EWSR1: variants seen among roughly 807,000 people sequenced by gnomAD.
EWSR1 encodes the protein EWS RNA binding protein 1.
In EWSR1, 14 loss-of-function variants were observed where a neutral mutation model predicts 92.1. The observed-to-expected ratio is 0.15, with a 90% CI of 0.10 to 0.24. The LOEUF is 0.24. EWSR1 is among the 10% of genes least tolerant of loss of function. The pLI, the probability that EWSR1 is intolerant of heterozygous loss-of-function variation, is 1.00. For missense variants in EWSR1, 637 were observed against 870.9 expected (o/e 0.73, Z 3.38); for synonymous variants, 303 against 292.9 (o/e 1.03, Z -0.35).
chr22:29,286,500 A>T (rs978021347), intron 6 of EWSR1, among the ~76,000 whole-genome samples: 5 of 151,894 alleles, frequency 3.3e-5, no homozygotes, highest in Non-Finnish European at 5.9e-5. Flanking sequence ...CATCCTGGCT[A>T]ACAAGATGAA....
chr22:29,299,387 T>C (rs528484119), intron 15 of EWSR1, 56 bp downstream of exon 15: 71 of 1,570,060 alleles, frequency 4.5e-5, no homozygotes, highest in East Asian at 3.8e-4. Context: ...ACCTCTTTTC[T>C]TATTTGTGGG....
intron 3 of EWSR1, 65 bp from the exon 4 acceptor site, chr22:29,273,676 C>T (rs1015972033): frequency 1.9e-6 from 3 of 1,552,924 alleles, no homozygotes; most frequent in Admixed American, 2.0e-5. Context: ...CAATTTAGTC[C>T]ATTTTATTGC....
chr22:29,292,208 G>T (rs2060491949), intron 10 of EWSR1, 39 bp downstream of exon 10: 1 of 1,590,576 alleles, frequency 6.3e-7, no homozygotes, highest in African/African-American at 1.3e-5. Context: ...ATCGTGCTTT[G>T]TAAATTAATG....
At chr22:29,296,725 C>T (rs2060890234) in intron 12 of EWSR1, among the ~76,000 whole-genome samples, 3 of 152,154 alleles carry the variant, frequency 2.0e-5, no homozygotes, top group African/African-American at 7.2e-5. Flanking sequence ...GATTTCACTT[C>T]AGACAAAACC....
chr22:29,286,879 C>T (rs778944304), intron 6 of EWSR1, 44 bp from the exon 7 acceptor site: 1 of 1,521,142 alleles, frequency 6.6e-7, no homozygotes. Context: ...TAACAAGCCT[C>T]TTTCTAAAAA....
chr22:29,298,986 G>A (rs1480149188), intron 14 of EWSR1, 91 bp downstream of exon 14: 2 of 1,424,700 alleles, frequency 1.4e-6, no homozygotes, highest in African/African-American at 1.4e-5. Flanking sequence ...GCTCTGTCTA[G>A]AGGAACAGAA....
chr22:29,299,704 A>G lies in EWSR1; in HGVS notation c.1784A>G (p.Asp595Gly). The change falls in exon 16 of 17, where the codon GAC becomes GGC. Residue 595 changes from aspartate (D) to glycine (G), a missense_variant. Transcript: ENST00000397938. ...ATGTTCAGAGGTGGCCGTGGTGGAG[A>G]CAGAGGTGGCTTCCGTGGTGGCCGG... ...GGMFRGGRGG[D>G]RGGFRGGRGM... is the part of the protein sequence containing the mutation. 1 of 1,611,828 alleles carries G rather than the reference A, an allele frequency of 6.2e-7. No homozygotes were observed. Among genetic ancestry groups the G allele is most frequent in the Non-Finnish European group, 8.5e-7 (1 of 1,178,936 alleles).
In EWSR1 at chr22:29,282,397, G is replaced by A. The variant is rs1423562075; in HGVS notation, c.421G>A (p.Asp141Asn). 3 of 1,582,184 alleles carry A rather than the reference G, an allele frequency of 1.9e-6. 1 individual carries two copies. The South Asian group carries it at 3.6e-5, about 19-fold the overall frequency. Residue 141 changes from aspartate to asparagine, a missense_variant, in exon 6 of 17, where the codon GAT (aspartate) becomes AAT (asparagine). Coordinates refer to ENST00000397938, the MANE Select transcript of EWSR1 (RefSeq NM_005243.4). ...TATTATTTCTCCTCTTAGACCGCAGGATGGAAACAAGCCCACTGAGACTAG... is the reference window on the plus strand; with the variant it reads ...TATTATTTCTCCTCTTAGACCGCAGAATGGAAACAAGCCCACTGAGACTAG... ...PAATAPTRPQ[D>N]GNKPTETSQP...
chr22:29,274,891 C>T (rs1343824650), intron 4 of EWSR1, among the ~76,000 whole-genome samples: 9 of 152,116 alleles, frequency 5.9e-5, no homozygotes, highest in Non-Finnish European at 1.3e-4. Context: ...TCCCCCTGCC[C>T]TTTTATTATT....
chr22:29,273,700 T>A, intron 3 of EWSR1, 41 bp from the exon 4 acceptor site: 1 of 1,592,392 alleles, frequency 6.3e-7, no homozygotes, highest in African/African-American at 1.4e-5. Context: ...AATACAAAAG[T>A]TCATGTATGA....
intron 5 of EWSR1, among the ~76,000 whole-genome samples, chr22:29,281,894 G>T (rs958686261): frequency 1.3e-5 from 2 of 152,056 alleles, no homozygotes; most frequent in Non-Finnish European, 2.9e-5. Context: ...CCTTGACCTG[G>T]TCTGTTTTTA....
At chr22:29,288,817 ATT>A in intron 8 of EWSR1, 31 bp downstream of exon 8, 1 of 1,524,896 alleles carries the variant, frequency 6.6e-7, no homozygotes, top group Non-Finnish European at 8.8e-7. Flanking sequence ...CTTTTACCTA[ATT>A]TTGTTTCATC....
intron 11 of EWSR1, among the ~76,000 whole-genome samples, chr22:29,293,337 C>A (rs1185423269): frequency 6.6e-6 from 1 of 152,162 alleles, no homozygotes; most frequent in African/African-American, 2.4e-5. Flanking sequence ...TATGCTAATT[C>A]TTCATAGCTA....
chr22:29,272,480 T>C (rs777129655), intron 3 of EWSR1, 49 bp downstream of exon 3: 1 of 1,539,544 alleles, frequency 6.5e-7, no homozygotes, highest in East Asian at 2.2e-5. Context: ...GTAAAATCAG[T>C]ATATTATCCA....
chr22:29,268,419 G>C (rs73884709), intron 1 of EWSR1, 70 bp downstream of exon 1: 15 of 1,613,186 alleles, frequency 9.3e-6, no homozygotes, highest in Non-Finnish European at 1.2e-5. Flanking sequence ...GTTCGTCTCT[G>C]GGCTTGGCTG....
intron 1 of EWSR1, 101 bp downstream of exon 1, chr22:29,268,450 C>A: frequency 6.2e-7 from 1 of 1,603,870 alleles, no homozygotes; most frequent in South Asian, 1.1e-5. Flanking sequence ...GTGGAGTTGC[C>A]GAGAGGGGGT....
intron 11 of EWSR1, among the ~76,000 whole-genome samples, chr22:29,293,160 C>G (rs975000597): frequency 6.6e-6 from 1 of 152,094 alleles, no homozygotes; most frequent in African/African-American, 2.4e-5. Flanking sequence ...AGGCACATGC[C>G]ACCACACCCA....
intron 11 of EWSR1, among the ~76,000 whole-genome samples, chr22:29,294,331 G>A (rs1477595740): frequency 1.3e-5 from 2 of 152,146 alleles, no homozygotes; most frequent in African/African-American, 4.8e-5. Flanking sequence ...ATTTGGCCGG[G>A]CGCGGTAGCT....
intron 8 of EWSR1, 80 bp from the exon 9 acceptor site, chr22:29,291,482 T>TC: frequency 7.1e-7 from 1 of 1,406,164 alleles, no homozygotes; most frequent in Non-Finnish European, 9.8e-7. Context: ...GTGCCCTTCT[T>TC]CCCCACGAGC....
Sources: gnomAD v4.1 joint callset for allele counts (sites outside exome capture counted in the v4.1 genomes callset) on GRCh38, gnomAD v4.1.1 for gene constraint, MANE v1.5 for transcripts, NCBI Gene and HGNC (gene_info 2026-07-23, HGNC 2026-07-21) for gene names.